Variants in TBCD observed in about 807,000 individuals in gnomAD.
TBCD encodes tubulin folding cofactor D.
A neutral mutation model predicts 169.3 loss-of-function variants in TBCD; 105 were observed. The observed-to-expected ratio is 0.62, with a 90% CI of 0.53 to 0.73. The LOEUF is 0.73. Ranked by LOEUF, TBCD falls within the 30% of genes least tolerant of loss-of-function variation. The pLI is 0.00. For synonymous variants in TBCD, 700 were observed against 643.9 expected, an observed-to-expected ratio of 1.09 and a Z score of -1.32; for missense variants, 1,444 against 1,600.1, an observed-to-expected ratio of 0.90 and a Z score of 1.66.
intron 13 of TBCD, among the ~76,000 whole-genome samples, chr17:82,858,087 A>G (rs1005833699): frequency 2.6e-5 from 4 of 151,692 alleles, no homozygotes; most frequent in African/African-American, 7.3e-5. Flanking sequence ...TAACTTTTGT[A>G]TTTTTTTGTA....
intron 38 of TBCD, chr17:82,941,876 T>C (rs2063320448): frequency 3.8e-6 from 1 of 261,742 alleles, no homozygotes; most frequent in Non-Finnish European, 7.2e-6. Flanking sequence ...AAGCTGCCCC[T>C]GTGCACCTCA....
chr17:82,917,647 C>T (rs1419487387), intron 23 of TBCD, among the ~76,000 whole-genome samples: 1 of 152,202 alleles, frequency 6.6e-6, no homozygotes, highest in East Asian at 1.9e-4. Flanking sequence ...TCGGGGTCAC[C>T]TCCATTGGGT....
intron 24 of TBCD, 151 bp from the exon 25 acceptor site, chr17:82,921,350 G>A (rs557207554): frequency 3.3e-5 from 22 of 676,252 alleles, no homozygotes; most frequent in African/African-American, 1.1e-4. Flanking sequence ...TTAACACAAC[G>A]TGGAGAATGT....
chr17:82,907,079 G>A (rs2060300981), intron 20 of TBCD, among the ~76,000 whole-genome samples: 1 of 152,232 alleles, frequency 6.6e-6, no homozygotes, highest in African/African-American at 2.4e-5. Context: ...TGGCCACGTG[G>A]GCACCTCCGC....
At chr17:82,913,051 G>A (rs2060758047) in intron 23 of TBCD, 1 of 152,358 alleles carries the variant, frequency 6.6e-6, no homozygotes, top group Non-Finnish European at 1.5e-5. Context: ...AGCACACGGT[G>A]CAGGGGTGTC....
At chr17:82,842,103 C>G (rs1174015168) in intron 13 of TBCD, among the ~76,000 whole-genome samples, 2 of 152,274 alleles carry the variant, frequency 1.3e-5, no homozygotes, top group Non-Finnish European at 2.9e-5. Flanking sequence ...GGCTCCACCT[C>G]TCAGCGGCAG....
At chr17:82,763,103 C>T (rs2047850236) in intron 2 of TBCD, among the ~76,000 whole-genome samples, 1 of 152,248 alleles carries the variant, frequency 6.6e-6, no homozygotes, top group South Asian at 2.1e-4. Flanking sequence ...TAGGTTTCAG[C>T]GATTTTCTCT....
rs1221348646 is a variant in TBCD at position 82,941,477 on chromosome 17, G to A, written c.3558G>A (p.Val1186=). ...TGGGCGTACCCAGGCCCCAGCTGGT[G>A]CCCCAGGTAACCCTGTCACCTTCAC... is the stretch of plus-strand genomic sequence containing the variant. The part of the protein sequence containing the change: ...DLLGVPRPQL[V]PQPGAC Residue 1186 remains valine, a synonymous_variant, in exon 38 of 39, where the codon GTG becomes GTA. Coordinates refer to ENST00000355528, the MANE Select transcript of TBCD (RefSeq NM_005993.5). 6.3e-7 allele frequency: 1 copy of A among 1,594,368 alleles called. No individual in the cohort carries two copies. The highest frequency in any genetic ancestry group is 8.5e-7 in the Non-Finnish European group (1 of 1,171,532).
At chr17:82,882,638 A>G (rs1263340183) in intron 14 of TBCD, among the ~76,000 whole-genome samples, 5 of 151,960 alleles carry the variant, frequency 3.3e-5, no homozygotes, top group Non-Finnish European at 5.9e-5. Flanking sequence ...CTGGGGTGAC[A>G]GACAGTGCGA....
intron 11 of TBCD, 145 bp from the exon 12 acceptor site, chr17:82,809,563 C>T (rs934727746): frequency 7.7e-6 from 6 of 782,380 alleles, no homozygotes; most frequent in Middle Eastern, 3.7e-4. Context: ...GGGCTCCAAG[C>T]AGGGTGCGGG....
intron 13 of TBCD, among the ~76,000 whole-genome samples, chr17:82,839,137 A>C (rs535349417): frequency 6.6e-6 from 1 of 152,220 alleles, no homozygotes; most frequent in African/African-American, 2.4e-5. Context: ...ATGTAAGCTT[A>C]TGTACTTATT....
At chr17:82,755,571 AG>A (rs1291575017) in intron 1 of TBCD, among the ~76,000 whole-genome samples, 4 of 152,186 alleles carry the variant, frequency 2.6e-5, no homozygotes, top group Non-Finnish European at 5.9e-5. Context: ...AATACTGATC[AG>A]CTGTGCCTGA....
chr17:82,827,287 T>A (rs1437756719), intron 13 of TBCD, among the ~76,000 whole-genome samples: 1 of 152,208 alleles, frequency 6.6e-6, no homozygotes, highest in East Asian at 1.9e-4. Flanking sequence ...TGGGGAAGCA[T>A]TTCCCAGTCT....
intron 12 of TBCD, among the ~76,000 whole-genome samples, chr17:82,813,522 GCA>G (rs974760139): frequency 4.6e-5 from 7 of 152,152 alleles, no homozygotes; most frequent in Admixed American, 6.5e-5. Flanking sequence ...TGGACGGACG[GCA>G]TCCCCTGGAC....
rs1416457780 is a variant in TBCD, at chr17:82,924,920, A to G, written c.2261-19A>G. On this transcript the variant is annotated intron_variant, in intron 26 of 38. Coordinates refer to ENST00000355528, the MANE Select transcript of TBCD (RefSeq NM_005993.5). Reference sequence around the variant, plus strand: ...TGGGCAGCAGAGGGCCTCTCTTCACACTCGTTGCTTCCTTTCAGAGGAGCT... The same window carrying G: ...TGGGCAGCAGAGGGCCTCTCTTCACGCTCGTTGCTTCCTTTCAGAGGAGCT... 3 of 1,548,958 alleles carry G rather than the reference A, an allele frequency of 1.9e-6. No individual in the cohort carries two copies. Among genetic ancestry groups the G allele is most frequent in the Admixed American group, 3.9e-5 (2 of 51,130 alleles).
At chr17:82,937,760 T>C in intron 35 of TBCD, 1 of 1,067,524 alleles carries the variant, frequency 9.4e-7, no homozygotes, top group Non-Finnish European at 1.3e-6. Context: ...CCTTGGCTGC[T>C]CTGTGGCTCC....
Position 82,835,979 on chromosome 17 carries a change from G to T in TBCD, c.1318+21045G>T, listed in dbSNP as rs752946131. ...GGGTGACACCCTGGGCTCAGACCCC[G>T]CGCTCAGCACCCGTCTCCCACCGTG... On this transcript the variant is annotated intron_variant, in intron 13 of 38. Coordinates refer to ENST00000355528, the MANE Select transcript of TBCD (RefSeq NM_005993.5). This position sits in a 1 kb window ranked among gnomAD's most constrained non-coding sequence, Gnocchi z 4.5. 6.6e-6 allele frequency among the ~76,000 whole-genome samples: 1 copy of T among 152,108 alleles called. No homozygotes were observed. The highest frequency in any genetic ancestry group is 2.4e-5 in the African/African-American group (1 of 41,424).
intron 16 of TBCD, among the ~76,000 whole-genome samples, chr17:82,891,812 G>A (rs938254556): frequency 2.0e-5 from 3 of 152,142 alleles, no homozygotes; most frequent in Non-Finnish European, 2.9e-5. Flanking sequence ...GTCCAGGTTC[G>A]TCTTGGCTGG....
intron 7 of TBCD, among the ~76,000 whole-genome samples, chr17:82,787,721 G>T (rs2049417086): frequency 6.6e-6 from 1 of 152,220 alleles, no homozygotes. Flanking sequence ...CTCTCAACAA[G>T]TACCATCGAA....
Sources: allele counts gnomAD v4.1 joint callset (sites outside exome capture counted in the v4.1 genomes callset), GRCh38; gene constraint gnomAD v4.1.1; non-coding constraint Gnocchi (gnomAD v3.1); transcripts MANE v1.5; gene names NCBI Gene and HGNC (gene_info 2026-07-23, HGNC 2026-07-21).